The following CHODL variants were observed in gnomAD, a reference collection of about 807,000 sequenced individuals.
CHODL encodes chondrolectin, also known as transmembrane protein MT75.
CHODL carries 29 observed loss-of-function variants against 34.5 expected under a neutral mutation model. The ratio of observed to expected loss-of-function variants is 0.84; its 90% CI spans 0.63 to 1.15. The LOEUF is 1.15. CHODL is among the 50% of genes most tolerant of loss of function. CHODL has a pLI of 0.00. For missense variants in CHODL, 332 were observed against 332.5 expected (o/e 1.00, Z 0.01); for synonymous variants, 125 against 116.1 (o/e 1.08, Z -0.49).
chr21:18,244,490 A>C (rs2074112110), upstream of CHODL, among the ~76,000 whole-genome samples: 2 of 152,244 alleles, frequency 1.3e-5, no homozygotes. Flanking sequence ...TAAGCAATTT[A>C]GCACAGAAAG....
intron 2 of CHODL, among the ~76,000 whole-genome samples, chr21:18,221,883 G>A (rs2073887326): frequency 6.6e-6 from 1 of 152,238 alleles, no homozygotes; most frequent in African/African-American, 2.4e-5. Context: ...AGGATCCAGA[G>A]TGATGTGCAT....
intron 2 of CHODL, among the ~76,000 whole-genome samples, chr21:18,129,525 A>G (rs764913011): frequency 6.6e-6 from 1 of 152,194 alleles, no homozygotes; most frequent in Non-Finnish European, 1.5e-5. Context: ...ATCAATTTGA[A>G]TAATAGACAG....
upstream of CHODL, among the ~76,000 whole-genome samples, chr21:18,240,342 C>G (rs569896553): frequency 3.3e-5 from 5 of 152,030 alleles, no homozygotes; most frequent in Non-Finnish European, 7.4e-5. Context: ...GCAGTAGAAT[C>G]TCATTCAGTC....
intron 2 of CHODL, among the ~76,000 whole-genome samples, chr21:18,064,426 TAA>T (rs1233999899): frequency 6.6e-6 from 1 of 152,252 alleles, no homozygotes; most frequent in Non-Finnish European, 1.5e-5. Context: ...ACAGGTATAC[TAA>T]GTGTCTGCCC....
intron 2 of CHODL, among the ~76,000 whole-genome samples, chr21:18,194,620 CTAA>C (rs1339566305): frequency 5.0e-4 from 71 of 141,500 alleles, no homozygotes; most frequent in Admixed American, 3.2e-3. Context: ...AAAAAAAAAA[CTAA>C]TGCGTATTTG....
chr21:17,979,720 C>G (rs758346756), intron 1 of CHODL, among the ~76,000 whole-genome samples: 14 of 152,094 alleles, frequency 9.2e-5, no homozygotes, highest in Non-Finnish European at 1.8e-4. Flanking sequence ...TCGTTTCTTT[C>G]CTTGAGGAAT....
At chr21:18,093,054 G>T (rs577026968) in intron 2 of CHODL, among the ~76,000 whole-genome samples, 3 of 152,222 alleles carry the variant, frequency 2.0e-5, no homozygotes, top group East Asian at 3.9e-4. Flanking sequence ...AAACCCCAAA[G>T]GTCAAGTATC....
chr21:18,199,203 T>C (rs1044190046), intron 2 of CHODL, among the ~76,000 whole-genome samples: 2 of 152,128 alleles, frequency 1.3e-5, no homozygotes, highest in African/African-American at 2.4e-5. Flanking sequence ...TGACTGCTCA[T>C]AAACCAGGCA....
intron 1 of CHODL, among the ~76,000 whole-genome samples, chr21:17,926,497 G>A (rs993311627): frequency 2.0e-5 from 3 of 151,822 alleles, no homozygotes. Flanking sequence ...CTCATTGCTG[G>A]GGAGGCCTCA....
chr21:17,970,672 T>A (rs116094198), intron 1 of CHODL, among the ~76,000 whole-genome samples: 1,723 of 152,202 alleles, frequency 0.011, 23 homozygotes, highest in African/African-American at 0.037. Flanking sequence ...TAGTGGTGAT[T>A]TCTGAGATTT....
rs185143405 is a variant in CHODL at position 18,200,111 on chromosome 21, A to G, written c.-44-56398A>G. On this transcript the variant is annotated intron_variant, in intron 2 of 6. Coordinates refer to the CHODL transcript ENST00000400127. Reference sequence around the variant, plus strand: ...TCTATTTGTTCTGCATTCTTGCAGCATTTGATATTGTAATTTTTTTTTTAT... The same window carrying G: ...TCTATTTGTTCTGCATTCTTGCAGCGTTTGATATTGTAATTTTTTTTTTAT... Among the ~76,000 whole-genome samples the G allele has an allele frequency of 3.4e-4, 51 of 152,192 alleles. 1 individual carries two copies. Among genetic ancestry groups the G allele is most frequent in the African/African-American group, 1.1e-3 (45 of 41,542 alleles).
intron 2 of CHODL, among the ~76,000 whole-genome samples, chr21:18,141,075 A>G (rs2072795516): frequency 6.6e-6 from 1 of 152,116 alleles, no homozygotes; most frequent in African/African-American, 2.4e-5. Context: ...TTAGACAAAG[A>G]CAAAAGCATA....
chr21:18,228,415 G>A (rs1419235303), intron 2 of CHODL, among the ~76,000 whole-genome samples: 3 of 152,040 alleles, frequency 2.0e-5, no homozygotes, highest in Non-Finnish European at 4.4e-5. Context: ...ACCCACAGAT[G>A]GTTTTATCTT....
At chr21:18,245,807 C>A in intron 1 of CHODL, 2 of 1,028,610 alleles carry the variant, frequency 1.9e-6, no homozygotes, top group South Asian at 3.0e-5. Context: ...GGCATTCGGT[C>A]TTTGTTCTCA....
chr21:18,183,812 C>G (rs78521374), intron 2 of CHODL, among the ~76,000 whole-genome samples: 65,313 of 151,664 alleles, frequency 0.43, 19,399 homozygotes, highest in African/African-American at 0.81. Flanking sequence ...GTTCAATATT[C>G]GAATCTGAAG....
chr21:18,049,636 G>T (rs933826434), intron 2 of CHODL, among the ~76,000 whole-genome samples: 1 of 151,902 alleles, frequency 6.6e-6, no homozygotes, highest in Non-Finnish European at 1.5e-5. Context: ...CTCTCTCCTT[G>T]GCTGGCAGAT....
upstream of CHODL, among the ~76,000 whole-genome samples, chr21:18,240,782 TTA>T (rs1388113223): frequency 2.6e-5 from 4 of 152,128 alleles, no homozygotes; most frequent in African/African-American, 7.2e-5. Context: ...GCACATATAT[TTA>T]TATGATTCTT....
chr21:17,930,032 G>A (rs982180961), intron 1 of CHODL, among the ~76,000 whole-genome samples: 2 of 152,124 alleles, frequency 1.3e-5, no homozygotes, highest in Non-Finnish European at 2.9e-5. Flanking sequence ...CCTTCTGAGA[G>A]CCCAGCCCCC....
chr21:18,053,950 A>T (rs1404843861), intron 2 of CHODL, among the ~76,000 whole-genome samples: 3 of 151,856 alleles, frequency 2.0e-5, no homozygotes, highest in Non-Finnish European at 4.4e-5. Context: ...TATATATCAC[A>T]TATAAAATCA....
Sources: gnomAD v4.1 joint callset for allele counts (sites outside exome capture counted in the v4.1 genomes callset) on GRCh38, gnomAD v4.1.1 for gene constraint, MANE v1.5 for transcripts, NCBI Gene and HGNC (gene_info 2026-07-23, HGNC 2026-07-21) for gene names.